Variants in C3orf49 observed in about 807,000 individuals in gnomAD.
C3orf49 encodes the protein putative uncharacterized protein C3orf49.
C3orf49 carries 27 observed loss-of-function variants against 13.3 expected under a neutral mutation model. The ratio of observed to expected loss-of-function variants is 2.02; its 90% CI spans 1.49 to 2.79. The LOEUF (loss-of-function observed/expected upper bound fraction) is 2.79, where lower values mean the gene tolerates loss of function less well. Ranked by LOEUF, C3orf49 falls within the 30% of genes most tolerant of loss-of-function variation. The probability of loss-of-function intolerance (pLI) is 0.00; values close to 1 mark genes in which losing one functional copy is unlikely to be tolerated. For missense variants in C3orf49, 242 were observed against 134.2 expected (o/e 1.80, Z -3.97); for synonymous variants, 87 against 47.6 (o/e 1.83, Z -3.40).
chr3:63,843,902 G>GA lies in C3orf49; in HGVS notation c.850-1110dup, dbSNP rs921375070. Among the ~76,000 whole-genome samples, 892 of 138,054 alleles carry GA rather than the reference G, an allele frequency of 6.5e-3. 5 individuals are homozygous for GA. The highest frequency in any genetic ancestry group is 0.019 in the African/African-American group (738 of 37,896). The allele number at this position is 138,054 out of a possible 152,430, so 90.6% of individuals were successfully genotyped here. A position where few individuals can be genotyped will look rare whatever the true frequency, so the allele number is the denominator to read the frequency against. On this transcript the variant is annotated intron_variant, in intron 5 of 6. Transcript: ENST00000295896. ...GGCGACAGAGTGAGACTCCGTCTCA[G>GA]AAAAAAAAAAACAAAACTGTGGATG...
At chr3:63,785,488 A>G in the C3orf49 span, among the ~76,000 whole-genome samples, 1 of 152,212 alleles carries the variant, frequency 6.6e-6, no homozygotes, top group African/African-American at 2.4e-5. Context: ...AAAGGTTTAA[A>G]GGTCCATTTC....
intron 1 of C3orf49, 107 bp from the exon 2 acceptor site, chr3:63,823,143 C>A: frequency 2.0e-6 from 1 of 496,790 alleles, no homozygotes. Context: ...TTTTTTTTTT[C>A]TGAATTGTAT....
the C3orf49 span, among the ~76,000 whole-genome samples, chr3:63,792,099 T>C: frequency 7.9e-5 from 12 of 152,236 alleles, no homozygotes; most frequent in Non-Finnish European, 1.6e-4. Context: ...ATTGTGCAAT[T>C]GTTTGGACTT....
upstream of C3orf49, among the ~76,000 whole-genome samples, chr3:63,817,273 C>T (rs1051851181): frequency 6.6e-6 from 1 of 152,118 alleles, no homozygotes; most frequent in Non-Finnish European, 1.5e-5. Flanking sequence ...CACTCTATCC[C>T]ATCATCCTCT....
At chr3:63,843,348 C>T (rs1202396182) in intron 5 of C3orf49, among the ~76,000 whole-genome samples, 1 of 151,196 alleles carries the variant, frequency 6.6e-6, no homozygotes, top group East Asian at 2.0e-4. Context: ...AAACTTCTGA[C>T]CTCAAATGAT....
At chr3:63,846,120 G>A (rs972837881) in intron 6 of C3orf49, 3 of 397,524 alleles carry the variant, frequency 7.5e-6, no homozygotes, top group African/African-American at 4.2e-5. Flanking sequence ...TGGTAAAACT[G>A]ATGTAACTCC....
the C3orf49 span, among the ~76,000 whole-genome samples, chr3:63,785,358 C>T: frequency 6.6e-6 from 1 of 151,678 alleles, no homozygotes; most frequent in Non-Finnish European, 1.5e-5. Flanking sequence ...AGGCGTGAGC[C>T]ACCGTGCCTG....
At chr3:63,811,415 G>A in the C3orf49 span, among the ~76,000 whole-genome samples, 21 of 151,836 alleles carry the variant, frequency 1.4e-4, no homozygotes, top group African/African-American at 2.4e-4. Context: ...AAAACTAGCC[G>A]AGCATGGGGG....
the C3orf49 span, among the ~76,000 whole-genome samples, chr3:63,793,763 G>A: frequency 2.6e-5 from 4 of 152,056 alleles, no homozygotes; most frequent in South Asian, 2.1e-4. Context: ...TCTTCCTACC[G>A]CTAGAATATC....
At chr3:63,836,422 T>C (rs1701636659) in intron 5 of C3orf49, 30 of 1,488,936 alleles carry the variant, frequency 2.0e-5, no homozygotes, top group Non-Finnish European at 2.8e-5. Flanking sequence ...CAAAACAAAA[T>C]GTGTAATATC....
chr3:63,846,611 T>C (rs933361855), intron 6 of C3orf49, among the ~76,000 whole-genome samples: 1 of 152,106 alleles, frequency 6.6e-6, no homozygotes, highest in Non-Finnish European at 1.5e-5. Flanking sequence ...GGTTTTACCA[T>C]GTTGGCCAGG....
At position 63,833,993 on chromosome 3, in the gene C3orf49, G is replaced by A. The variant is rs1274616879; in HGVS notation, c.849+2149G>A. On this transcript the variant is annotated intron_variant, in intron 5 of 6. Transcript: ENST00000295896. ...CATTTTCCTTTGTGAGAGGAAATAT[G>A]AATGAAATACATTCATACTTAAAAA... is the stretch of plus-strand genomic sequence containing the variant. The A allele has an allele frequency of 5.5e-6, 4 of 729,812 alleles. No homozygotes were observed. The African/African-American group carries it at 7.2e-5, about 13-fold the overall frequency. The allele number at this position is 729,812 out of a possible 1,614,324, so 45.2% of individuals were successfully genotyped here.
chr3:63,813,239 G>A, the C3orf49 span, among the ~76,000 whole-genome samples: 2 of 152,278 alleles, frequency 1.3e-5, no homozygotes, highest in East Asian at 1.9e-4. Flanking sequence ...TTATATCATT[G>A]TGTACTTGTG....
chr3:63,832,041 A>T, intron 5 of C3orf49, 197 bp downstream of exon 5: 3 of 491,930 alleles, frequency 6.1e-6, no homozygotes, highest in Non-Finnish European at 1.1e-5. Flanking sequence ...TAAAAATACA[A>T]AAATTATCCA....
chr3:63,841,994 T>A (rs938088845), intron 5 of C3orf49, among the ~76,000 whole-genome samples: 1 of 152,164 alleles, frequency 6.6e-6, no homozygotes, highest in African/African-American at 2.4e-5. Context: ...CAAATGTAAA[T>A]ACATTAAAGT....
the C3orf49 span, among the ~76,000 whole-genome samples, chr3:63,799,137 A>G: frequency 6.6e-6 from 1 of 152,096 alleles, no homozygotes; most frequent in Admixed American, 6.6e-5. Flanking sequence ...CAATCCTATA[A>G]TCTTGAACAT....
At chr3:63,800,086 T>A in the C3orf49 span, among the ~76,000 whole-genome samples, 2,547 of 152,282 alleles carry the variant, frequency 0.017, 24 homozygotes, top group Middle Eastern at 0.027. Context: ...CATTTTCACC[T>A]AAAGTATCCT....
chr3:63,844,075 A>C (rs190821818), intron 5 of C3orf49, among the ~76,000 whole-genome samples: 1 of 152,338 alleles, frequency 6.6e-6, no homozygotes, highest in Admixed American at 6.5e-5. Flanking sequence ...AGAGAACATT[A>C]TGCTAGGTGA....
chr3:63,821,406 G>A (rs1250701937), intron 1 of C3orf49, among the ~76,000 whole-genome samples: 1 of 152,052 alleles, frequency 6.6e-6, no homozygotes, highest in Non-Finnish European at 1.5e-5. Flanking sequence ...AGAAATATAT[G>A]TTATATATTT....
Sources: gnomAD v4.1 joint callset for allele counts (sites outside exome capture counted in the v4.1 genomes callset) on GRCh38, gnomAD v4.1.1 for gene constraint, MANE v1.5 for transcripts, NCBI Gene and HGNC (gene_info 2026-07-23, HGNC 2026-07-21) for gene names.